The following ZFHX3 variants were observed in gnomAD, a reference collection of about 807,000 sequenced individuals.
ZFHX3 encodes zinc finger homeobox 3, also known as zinc finger homeobox protein 3.
A neutral mutation model predicts 279.1 loss-of-function variants in ZFHX3; 42 were observed. The ratio of observed to expected loss-of-function variants is 0.15; its 90% confidence interval spans 0.12 to 0.19. The LOEUF (loss-of-function observed/expected upper bound fraction) is 0.19. Among genes scored for constraint, ZFHX3 ranks in the 10% least tolerant of loss-of-function variants. The probability of loss-of-function intolerance (pLI) is 1.00; values close to 1 mark genes in which losing one functional copy is unlikely to be tolerated. For missense variants in ZFHX3, 4,981 were observed against 4,754.0 expected, an observed-to-expected ratio of 1.05 and a Z score of -1.40; for synonymous variants, 2,293 against 1,957.8, an observed-to-expected ratio of 1.17 and a Z score of -4.52.
intron 4 of ZFHX3, among the ~76,000 whole-genome samples, chr16:72,887,412 C>T (rs747763563): frequency 8.6e-5 from 13 of 152,022 alleles, no homozygotes; most frequent in African/African-American, 1.2e-4. Context: ...GGCTCAGCTG[C>T]GATTAATATT....
At chr16:73,226,906 A>C (rs2012611964) in intron 5 of ZFHX3, among the ~76,000 whole-genome samples, 1 of 152,236 alleles carries the variant, frequency 6.6e-6, no homozygotes, top group Admixed American at 6.5e-5. Context: ...TCATACTAGA[A>C]TATTCCACGA....
At chr16:73,405,635 G>C (rs1025443047) in intron 3 of ZFHX3, among the ~76,000 whole-genome samples, 1 of 150,940 alleles carries the variant, frequency 6.6e-6, no homozygotes, top group African/African-American at 2.4e-5. Context: ...AAGTTTTTTA[G>C]TCATTGCAAT....
At chr16:72,933,812 T>G (rs1037159746) in intron 3 of ZFHX3, among the ~76,000 whole-genome samples, 4 of 137,182 alleles carry the variant, frequency 2.9e-5, no homozygotes, top group African/African-American at 1.1e-4. Flanking sequence ...CTCACAACTT[T>G]CTTTTTTTTT....
chr16:72,831,409 A>G (rs1206508101), intron 4 of ZFHX3, among the ~76,000 whole-genome samples: 2 of 152,158 alleles, frequency 1.3e-5, no homozygotes, highest in African/African-American at 4.8e-5. Flanking sequence ...AGGATTCCAC[A>G]TATAATTTCT....
intron 1 of ZFHX3, among the ~76,000 whole-genome samples, chr16:73,045,767 C>T (rs1488991353): frequency 8.7e-6 from 1 of 115,506 alleles, no homozygotes; most frequent in Admixed American, 1.1e-4. Context: ...AGCTCTATTT[C>T]ATAGAAAGTA....
chr16:73,041,158 TCAAA>T (rs1965097275), intron 1 of ZFHX3, among the ~76,000 whole-genome samples: 1 of 152,116 alleles, frequency 6.6e-6, no homozygotes, highest in Non-Finnish European at 1.5e-5. Context: ...TTTCCTACCT[TCAAA>T]CAAACAATGA....
At chr16:73,619,828 G>A (rs2052341089) in intron 2 of ZFHX3, among the ~76,000 whole-genome samples, 1 of 152,076 alleles carries the variant, frequency 6.6e-6, no homozygotes, top group African/African-American at 2.4e-5. Flanking sequence ...ATGCACAACA[G>A]TCTCTATCCC....
chr16:72,831,652 G>A (rs1208136128), intron 4 of ZFHX3, among the ~76,000 whole-genome samples: 2 of 152,168 alleles, frequency 1.3e-5, no homozygotes, highest in Non-Finnish European at 2.9e-5. Flanking sequence ...CAGGTGGGAC[G>A]TTCTGTGCAC....
chr16:73,695,239 T>C (rs1258777231), intron 1 of ZFHX3, among the ~76,000 whole-genome samples: 1 of 84,792 alleles, frequency 1.2e-5, no homozygotes, highest in East Asian at 5.4e-4. Context: ...ACAGTTTTTT[T>C]TTGTTTTTTT....
In ZFHX3 at chr16:73,556,590, G is replaced by A. The variant is rs1443000706; in HGVS notation, c.-1546-100332C>T. Among the ~76,000 whole-genome samples, 3 of 151,956 alleles carry A rather than the reference G, an allele frequency of 2.0e-5. 1 individual carries two copies. In the East Asian group the frequency reaches 5.8e-4, roughly 30 times the overall value. ...GTCCTCTGAAGAAAAATCTACTGGG[G>A]TTTTCAGGGTGGCAGGGAAGCATGG... is the stretch of plus-strand genomic sequence containing the variant. On this transcript the variant is annotated intron_variant, in intron 2 of 17. Transcript: ENST00000641206.
intron 2 of ZFHX3, among the ~76,000 whole-genome samples, chr16:73,643,081 A>G (rs903456450): frequency 6.6e-6 from 1 of 152,220 alleles, no homozygotes; most frequent in Non-Finnish European, 1.5e-5. Flanking sequence ...AGTGCTAAGC[A>G]TAAGAGATTT....
chr16:72,798,794 A>T lies in ZFHX3; in HGVS notation c.3968-80T>A, dbSNP rs2036003669. On this transcript the variant is annotated intron_variant, in intron 8 of 9. Coordinates refer to ENST00000268489, the MANE Select transcript of ZFHX3 (RefSeq NM_006885.4). The stretch of plus-strand genomic sequence containing the variant: ...GGATGGCACCCAGAGCGGTCTACCT[A>T]GTCAGGCCTCATGAACACAGAATCT... 5 of 1,482,318 alleles carry T rather than the reference A, an allele frequency of 3.4e-6. No homozygotes were observed. In the South Asian group the frequency reaches 7.1e-5, roughly 21 times the overall value. The allele number at this position is 1,482,318 out of a possible 1,614,324, so 91.8% of individuals were successfully genotyped here.
chr16:73,181,391 G>A (rs1967793544), intron 5 of ZFHX3, among the ~76,000 whole-genome samples: 1 of 152,116 alleles, frequency 6.6e-6, no homozygotes, highest in African/African-American at 2.4e-5. Context: ...TGCCCAGCCA[G>A]CTGCAGCTAG....
chr16:73,560,040 A>G (rs1265990556), intron 2 of ZFHX3, among the ~76,000 whole-genome samples: 1 of 152,196 alleles, frequency 6.6e-6, no homozygotes, highest in Non-Finnish European at 1.5e-5. Flanking sequence ...CATTTCATCC[A>G]CTAAAGACCT....
chr16:73,497,387 G>C (rs2019159664), intron 2 of ZFHX3, among the ~76,000 whole-genome samples: 1 of 152,214 alleles, frequency 6.6e-6, no homozygotes, highest in Admixed American at 6.5e-5. Flanking sequence ...TACTACTTGA[G>C]GTCAGGTGCA....
At chr16:73,822,566 A>G (rs572276375) in intron 1 of ZFHX3, among the ~76,000 whole-genome samples, 59 of 151,924 alleles carry the variant, frequency 3.9e-4, no homozygotes, top group East Asian at 3.9e-3. Flanking sequence ...CTTTACTCTT[A>G]GTTGCTAATG....
chr16:73,801,991 C>T (rs954096411), intron 1 of ZFHX3, among the ~76,000 whole-genome samples: 1 of 152,136 alleles, frequency 6.6e-6, no homozygotes, highest in East Asian at 1.9e-4. Context: ...GTTAGAGGAA[C>T]AGCCCACCTG....
intron 4 of ZFHX3, among the ~76,000 whole-genome samples, chr16:73,279,842 A>G (rs1329001497): frequency 6.6e-6 from 1 of 152,246 alleles, no homozygotes; most frequent in African/African-American, 2.4e-5. Flanking sequence ...AGACACTGCA[A>G]CAAATTAAAA....
intron 2 of ZFHX3, among the ~76,000 whole-genome samples, chr16:73,567,556 A>G (rs2020468764): frequency 6.6e-6 from 1 of 152,214 alleles, no homozygotes; most frequent in Admixed American, 6.5e-5. Context: ...TGCCAAGGTC[A>G]TTCCATGGAA....
Sources: allele counts gnomAD v4.1 joint callset (sites outside exome capture counted in the v4.1 genomes callset), GRCh38; gene constraint gnomAD v4.1.1; transcripts MANE v1.5; gene names NCBI Gene and HGNC (gene_info 2026-07-23, HGNC 2026-07-21).